LRP5: variants seen among roughly 807,000 people sequenced by gnomAD.
LRP5 encodes the protein LDL receptor related protein 5.
Under a neutral mutation model 154.1 loss-of-function variants are expected in LRP5, and 62 were observed. The observed-to-expected ratio is 0.40, with a 90% CI of 0.33 to 0.50. LRP5 has a LOEUF of 0.50. Ranked by LOEUF, LRP5 falls within the 20% of genes least tolerant of loss-of-function variation. LRP5 has a pLI of 0.55. For missense variants in LRP5, 1,915 were observed against 2,336.7 expected, an observed-to-expected ratio of 0.82 and a Z score of 3.72; for synonymous variants, 966 against 1,011.5, an observed-to-expected ratio of 0.96 and a Z score of 0.85.
At chr11:68,421,458 G>A (rs2153171858) in intron 13 of LRP5, among the ~76,000 whole-genome samples, 1 of 152,284 alleles carries the variant, frequency 6.6e-6, no homozygotes, top group East Asian at 1.9e-4. Context: ...CGGTGAGCCT[G>A]ATTTTGGCCA....
At chr11:68,300,792 G>A in the LRP5 span, among the ~76,000 whole-genome samples, 2 of 149,754 alleles carry the variant, frequency 1.3e-5, no homozygotes, top group Non-Finnish European at 3.0e-5. Context: ...CCTTCCAGGT[G>A]TTGTGGGATG....
rs1469179449 is a variant in LRP5 at position 68,443,567 on chromosome 11, ATATATATATATATATATATTTTTT to A, written c.4489-2867_4489-2844del. ...GGCATATATATATATATATATATATATATATATATATATATATATTTTTTTTTTTTTTGGTTATGTTCAGAAAGG... is the reference window on the plus strand; with the variant it reads ...GGCATATATATATATATATATATATATTTTTTTTGGTTATGTTCAGAAAGG... On this transcript the variant is annotated intron_variant, in intron 21 of 22. Coordinates refer to ENST00000294304, the MANE Select transcript of LRP5 (RefSeq NM_002335.4). Among the ~76,000 whole-genome samples the A allele has an allele frequency of 1.6e-4, 6 of 37,042 alleles. No homozygotes were observed. In the East Asian group the frequency reaches 2.2e-3, roughly 14 times the overall value. 24.3% of individuals were successfully genotyped at this position (37,042 alleles called of 152,430 possible).
At chr11:68,435,056 G>A (rs1456074312) in intron 18 of LRP5, among the ~76,000 whole-genome samples, 1 of 152,236 alleles carries the variant, frequency 6.6e-6, no homozygotes, top group Admixed American at 6.5e-5. Flanking sequence ...TTGGTGCACA[G>A]CCATGCCCAT....
chr11:68,443,585 A>ATATTTTTT (rs1259673892), intron 21 of LRP5, among the ~76,000 whole-genome samples: 1 of 24,846 alleles, frequency 4.0e-5, no homozygotes, highest in African/African-American at 1.6e-4. Context: ...ATATATATAT[A>ATATTTTTT]TTTTTTTTTT....
Position 68,423,517 on chromosome 11 carries a change from G to A in LRP5, c.3056G>A (p.Gly1019Asp), listed in dbSNP as rs1370083440. ...QPFVLTSLSQ[G>D]QNPDRQPHDL... is the part of the protein sequence containing the mutation. ...TTTGTTTTGACCTCTCTGAGCCAAGGCCAAAACCCAGACAGGCAGCCCCAC... is the reference window on the plus strand; with the variant it reads ...TTTGTTTTGACCTCTCTGAGCCAAGACCAAAACCCAGACAGGCAGCCCCAC... The change falls in exon 14 of 23, where the codon GGC becomes GAC. Residue 1019 changes from glycine to aspartate, a missense_variant. Physicochemically the swap from Gly to Asp is moderately conservative, Grantham distance 94 (BLOSUM62 -1). Coordinates refer to ENST00000294304, the MANE Select transcript of LRP5 (RefSeq NM_002335.4). The surrounding 1 kb of genome is among the most constrained non-coding windows in gnomAD (Gnocchi z 4.7). 8 of 1,614,064 alleles carry A rather than the reference G, an allele frequency of 5.0e-6. No individual in the cohort carries two copies. Among genetic ancestry groups the A allele is most frequent in the Non-Finnish European group, 6.8e-6 (8 of 1,180,018 alleles).
chr11:68,315,737 G>A (rs190713124), intron 1 of LRP5, among the ~76,000 whole-genome samples: 6 of 152,368 alleles, frequency 3.9e-5, no homozygotes, highest in African/African-American at 1.4e-4. Flanking sequence ...AAGAAGCTTT[G>A]CAGCTATGCA....
chr11:68,325,029 C>G (rs1376919098), intron 1 of LRP5, among the ~76,000 whole-genome samples: 4 of 152,154 alleles, frequency 2.6e-5, no homozygotes, highest in Non-Finnish European at 4.4e-5. Flanking sequence ...CCTGCACAGC[C>G]CGGTTCTGAC....
chr11:68,359,071 C>G (rs2098625560), intron 3 of LRP5, among the ~76,000 whole-genome samples: 1 of 152,236 alleles, frequency 6.6e-6, no homozygotes, highest in Admixed American at 6.5e-5. Flanking sequence ...GTTAGTTATC[C>G]ATTGCTGTGT....
chr11:68,338,644 C>T (rs373308714), intron 1 of LRP5, among the ~76,000 whole-genome samples: 15 of 152,188 alleles, frequency 9.9e-5, no homozygotes, highest in Admixed American at 6.5e-4. Flanking sequence ...CAGCAGAGTG[C>T]GGGGTGTACT....
In LRP5 at chr11:68,363,925, C is replaced by G. The variant is rs771082674; in HGVS notation, c.865C>G (p.Gln289Glu). 1.9e-6 allele frequency: 3 copies of G among 1,609,812 alleles called. No individual in the cohort carries two copies. The highest frequency in any genetic ancestry group is 2.5e-6 in the Non-Finnish European group (3 of 1,178,682). The change falls in exon 4 of 23, where the codon CAG becomes GAG. Residue 289 changes from glutamine to glutamate, a missense_variant. Transcript: ENST00000294304. Reference protein sequence around the residue: ...YSPMDIQVLSQERQPFFHTRC... With the variant: ...YSPMDIQVLSEERQPFFHTRC... Reference sequence around the variant, plus strand: ...ACCCATGGACATCCAGGTGCTGAGCCAGGAGCGGCAGCCTTTCTGTGAGTG... The same window carrying G: ...ACCCATGGACATCCAGGTGCTGAGCGAGGAGCGGCAGCCTTTCTGTGAGTG...
intron 5 of LRP5, among the ~76,000 whole-genome samples, chr11:68,375,447 C>T (rs1017589712): frequency 6.6e-6 from 1 of 152,204 alleles, no homozygotes; most frequent in Non-Finnish European, 1.5e-5. Context: ...ACCTCCCTGC[C>T]CCTGCTCGTG....
At chr11:68,328,702 G>A (rs944234132) in intron 1 of LRP5, among the ~76,000 whole-genome samples, 4 of 152,360 alleles carry the variant, frequency 2.6e-5, no homozygotes, top group African/African-American at 9.6e-5. Context: ...GGATCCGTGC[G>A]TTTGCTGTGT....
chr11:68,351,575 G>A (rs568207262), intron 2 of LRP5, among the ~76,000 whole-genome samples: 9 of 152,230 alleles, frequency 5.9e-5, no homozygotes, highest in East Asian at 5.8e-4. Flanking sequence ...CAGGACCTGC[G>A]CTCCTCCTGT....
intron 7 of LRP5, among the ~76,000 whole-genome samples, chr11:68,398,057 A>T (rs192209369): frequency 1.3e-5 from 2 of 151,210 alleles, no homozygotes; most frequent in East Asian, 3.9e-4. Context: ...TACATGAAGC[A>T]AGATAACTGT....
At chr11:68,339,400 T>G (rs957756895) in intron 1 of LRP5, among the ~76,000 whole-genome samples, 1 of 152,032 alleles carries the variant, frequency 6.6e-6, no homozygotes, top group African/African-American at 2.4e-5. Flanking sequence ...CAGGCTGGAG[T>G]GCAGTGGTGC....
rs565949158 is a variant in LRP5, at chr11:68,425,192, C to T, written c.3327C>T (p.Thr1109=). The change falls in exon 15 of 23, where the codon ACC becomes ACT. Residue 1109 remains threonine (T), a synonymous_variant. Coordinates refer to ENST00000294304, the MANE Select transcript of LRP5 (RefSeq NM_002335.4). The stretch of plus-strand genomic sequence containing the variant: ...CCGAGCGCGAGGTCCTCTTCACCAC[C>T]GGCCTCATCCGCCCTGTGGCCCTGG... ...DGTEREVLFT[T]GLIRPVALVV... is the part of the protein sequence containing the mutation. 23 of 1,613,640 alleles carry T rather than the reference C, an allele frequency of 1.4e-5. No homozygotes were observed. The highest frequency in any genetic ancestry group is 8.3e-5 in the Admixed American group (5 of 60,024).
chr11:68,427,121 A>G (rs543345972), intron 16 of LRP5, among the ~76,000 whole-genome samples: 1 of 152,204 alleles, frequency 6.6e-6, no homozygotes, highest in African/African-American at 2.4e-5. Flanking sequence ...ATAGACTCCA[A>G]GTCGGCTGAT....
rs1189056099 is a variant in LRP5, at chr11:68,373,019, G to A, written c.1015+7317G>A. On this transcript the variant is annotated intron_variant, in intron 5 of 22. Transcript: ENST00000294304. Reference sequence around the variant, plus strand: ...CTCCACCAGAAGAAACGGGGCAGGTGGGGGCCAAATCTGTGAGTTCCCAAG... The same window carrying A: ...CTCCACCAGAAGAAACGGGGCAGGTAGGGGCCAAATCTGTGAGTTCCCAAG... 3.9e-5 allele frequency among the ~76,000 whole-genome samples: 6 copies of A among 152,028 alleles called. No homozygotes were observed. The East Asian group carries it at 5.8e-4, about 15-fold the overall frequency.
chr11:68,327,899 G>C (rs2098600614), intron 1 of LRP5, among the ~76,000 whole-genome samples: 2 of 152,238 alleles, frequency 1.3e-5, no homozygotes, highest in African/African-American at 4.8e-5. Flanking sequence ...CAACACCATA[G>C]TGCTCAGCTT....
Sources: gnomAD v4.1 joint callset for allele counts (sites outside exome capture counted in the v4.1 genomes callset) on GRCh38, gnomAD v4.1.1 for gene constraint, Gnocchi (gnomAD v3.1) non-coding constraint, MANE v1.5 for transcripts, NCBI Gene and HGNC (gene_info 2026-07-23, HGNC 2026-07-21) for gene names.